The following C9 variants were observed in gnomAD, a reference collection of about 807,000 sequenced individuals.
C9 encodes complement component C9.
Under a neutral mutation model 65.4 loss-of-function variants are expected in C9, and 63 were observed. The observed-to-expected ratio is 0.96, with a 90% CI of 0.79 to 1.19. C9 has a LOEUF of 1.19. Ranked by LOEUF, C9 falls within the 50% of genes most tolerant of loss-of-function variation. The probability of loss-of-function intolerance (pLI) is 0.00; values close to 1 mark genes in which losing one functional copy is unlikely to be tolerated. For missense variants in C9, 744 were observed against 670.1 expected (o/e 1.11, Z -1.22); for synonymous variants, 229 against 227.9 (o/e 1.00, Z -0.04).
At chr5:39,327,542 G>A (rs1441244675) in intron 5 of C9, among the ~76,000 whole-genome samples, 1 of 152,230 alleles carries the variant, frequency 6.6e-6, no homozygotes, top group East Asian at 1.9e-4. Flanking sequence ...TGATGACTAG[G>A]TTGATATTAT....
chr5:39,342,494 A>G (rs899803281), intron 1 of C9, among the ~76,000 whole-genome samples: 3 of 152,358 alleles, frequency 2.0e-5, no homozygotes, highest in East Asian at 1.9e-4. Context: ...GGTGTTTTAC[A>G]TAGATTAATC....
intron 1 of C9, among the ~76,000 whole-genome samples, chr5:39,357,661 C>T (rs1227676724): frequency 6.6e-6 from 1 of 152,118 alleles, no homozygotes; most frequent in African/African-American, 2.4e-5. Flanking sequence ...AGAGACTGCC[C>T]TAGGACTGGA....
chr5:39,346,911 A>T (rs1019692039), intron 1 of C9, among the ~76,000 whole-genome samples: 2 of 152,328 alleles, frequency 1.3e-5, no homozygotes, highest in Admixed American at 6.5e-5. Flanking sequence ...ACAGAAACAA[A>T]GACAAAAACC....
At chr5:39,325,659 C>T (rs1458477610) in intron 5 of C9, among the ~76,000 whole-genome samples, 2 of 151,592 alleles carry the variant, frequency 1.3e-5, no homozygotes, top group African/African-American at 4.9e-5. Flanking sequence ...CAAATCCCAG[C>T]TACTCAGGAG....
intron 1 of C9, among the ~76,000 whole-genome samples, chr5:39,356,380 A>G (rs1255012631): frequency 6.6e-6 from 1 of 152,218 alleles, no homozygotes; most frequent in Non-Finnish European, 1.5e-5. Context: ...TGGTCATAGC[A>G]TATTTAGTAA....
chr5:39,312,826 A>C (rs988881383), intron 6 of C9, among the ~76,000 whole-genome samples: 14 of 152,222 alleles, frequency 9.2e-5, no homozygotes, highest in Admixed American at 1.3e-4. Context: ...ATATCATACC[A>C]AACTGTCTGT....
chr5:39,354,734 TTTTTG>T (rs1381574371), intron 1 of C9, among the ~76,000 whole-genome samples: 3 of 152,190 alleles, frequency 2.0e-5, no homozygotes, highest in Non-Finnish European at 4.4e-5. Context: ...AGGATCATGG[TTTTTG>T]TTTTGTTTTG....
intron 4 of C9, among the ~76,000 whole-genome samples, chr5:39,333,643 G>GGTCTCCCCTCTCCCTCTCTTTCCACC (rs1561347182): frequency 2.1e-5 from 3 of 145,362 alleles, no homozygotes; most frequent in Non-Finnish European, 3.0e-5. Flanking sequence ...CTCTTTCCAC[G>GGTCTCCCCTCTCCCTCTCTTTCCACC]GTCTCCCTCT....
intron 9 of C9, among the ~76,000 whole-genome samples, chr5:39,301,836 C>CT (rs1479171580): frequency 6.6e-6 from 1 of 151,992 alleles, no homozygotes; most frequent in African/African-American, 2.4e-5. Context: ...CCAGTGTAGT[C>CT]TTTTATGAAT....
rs1754366797 is a variant in C9, at chr5:39,353,817, G to T, written c.77+10571C>A. 2.6e-5 allele frequency among the ~76,000 whole-genome samples: 4 copies of T among 152,072 alleles called. No homozygotes were observed. The South Asian group carries it at 8.3e-4, about 32-fold the overall frequency. On this transcript the variant is annotated intron_variant, in intron 1 of 10. Transcript: ENST00000263408. Reference sequence around the variant, plus strand: ...GGGACTTTCCTGTTTTGTTCAGCTTGAATATCAAATACCTGAAACATAATA... The same window carrying T: ...GGGACTTTCCTGTTTTGTTCAGCTTTAATATCAAATACCTGAAACATAATA...
chr5:39,339,651 CTTTTTTTTTTTT>C (rs550624256), intron 4 of C9, among the ~76,000 whole-genome samples: 4 of 57,492 alleles, frequency 7.0e-5, no homozygotes, highest in African/African-American at 1.5e-4. Flanking sequence ...TCTTTTCTCT[CTTTTTTTTTTTT>C]TTTTTTTTTT....
At chr5:39,339,489 T>C (rs1222727798) in intron 4 of C9, among the ~76,000 whole-genome samples, 1 of 152,010 alleles carries the variant, frequency 6.6e-6, no homozygotes, top group Admixed American at 6.6e-5. Context: ...CCTAGTAACT[T>C]TGTGTAGGGT....
chr5:39,339,965 G>A (rs1053775156), intron 4 of C9, among the ~76,000 whole-genome samples: 1 of 152,066 alleles, frequency 6.6e-6, no homozygotes, highest in Admixed American at 6.6e-5. Flanking sequence ...ATCGTCAAAT[G>A]TCTGCTGGGG....
chr5:39,300,199 G>T lies in C9; in HGVS notation c.1416+6418C>A, dbSNP rs568036868. On this transcript the variant is annotated intron_variant, in intron 9 of 10. Coordinates refer to ENST00000263408, the MANE Select transcript of C9 (RefSeq NM_001737.5). The stretch of plus-strand genomic sequence containing the variant: ...AGGCCAAGGCAGGTGGATCATTTGA[G>T]GTCAGGAGTTTGAAAACAGCCTGGC... Among the ~76,000 whole-genome samples the T allele has an allele frequency of 9.2e-5, 14 of 152,220 alleles. No individual in the cohort carries two copies. The South Asian group carries it at 2.3e-3, about 25-fold the overall frequency.
In C9 at chr5:39,306,676, T is replaced by A; in HGVS notation, c.1357A>T (p.Thr453Ser). The part of the protein sequence containing the change: ...KLLRGTVIDV[T>S]DFVNWASSIN... Reference sequence around the variant, plus strand: ...GAAGAGGCCCAGTTGACAAAGTCAGTCACATCAATCACGGTTCCTCGGAGA... The same window carrying A: ...GAAGAGGCCCAGTTGACAAAGTCAGACACATCAATCACGGTTCCTCGGAGA... Residue 453 changes from threonine (T) to serine (S), a missense_variant, in exon 9 of 11, where the codon ACT becomes TCT. Physicochemically the swap from Thr to Ser is moderately conservative, Grantham distance 58. Coordinates refer to ENST00000263408, the MANE Select transcript of C9 (RefSeq NM_001737.5). 6.2e-7 allele frequency: 1 copy of A among 1,613,770 alleles called. No homozygotes were observed. The highest frequency in any genetic ancestry group is 8.5e-7 in the Non-Finnish European group (1 of 1,179,700).
chr5:39,330,414 C>T (rs1196323559), intron 5 of C9, among the ~76,000 whole-genome samples: 1 of 152,112 alleles, frequency 6.6e-6, no homozygotes. Context: ...TATTCTATGT[C>T]GTACAAGTTA....
intron 1 of C9, among the ~76,000 whole-genome samples, chr5:39,343,165 C>T (rs1018786954): frequency 5.9e-5 from 9 of 152,136 alleles, no homozygotes; most frequent in Admixed American, 2.6e-4. Flanking sequence ...CACTGGGGCT[C>T]ATCAGACAGT....
chr5:39,341,108 C>T, intron 4 of C9, 38 bp downstream of exon 4: 1 of 1,610,094 alleles, frequency 6.2e-7, no homozygotes. Context: ...ATCATTTTCA[C>T]TCATTTTCAT....
At chr5:39,357,249 T>G (rs975500515) in intron 1 of C9, among the ~76,000 whole-genome samples, 1 of 152,176 alleles carries the variant, frequency 6.6e-6, no homozygotes, top group African/African-American at 2.4e-5. Context: ...TGTGGCTTCT[T>G]TGAGGGGAGA....
Sources: allele counts gnomAD v4.1 joint callset (sites outside exome capture counted in the v4.1 genomes callset), GRCh38; gene constraint gnomAD v4.1.1; transcripts MANE v1.5; gene names NCBI Gene and HGNC (gene_info 2026-07-23, HGNC 2026-07-21).